Variants in TERB1 observed in about 807,000 individuals in gnomAD.
TERB1 encodes the protein telomere repeat binding bouquet formation protein 1, also known as telomere repeats-binding bouquet formation protein 1.
In TERB1, 63 loss-of-function variants were observed where a neutral mutation model predicts 92.3. The observed-to-expected ratio is 0.68, with a 90% CI of 0.56 to 0.84. The LOEUF (loss-of-function observed/expected upper bound fraction) is 0.84, where lower values mean the gene tolerates loss of function less well. TERB1 is among the 40% of genes least tolerant of loss of function. TERB1 has a pLI of 0.00. For missense variants in TERB1, 709 were observed against 843.7 expected (o/e 0.84, Z 1.98); for synonymous variants, 252 against 283.9 (o/e 0.89, Z 1.13).
Position 66,755,109 on chromosome 16 carries a change from T to C in TERB1, c.2051A>G (p.Asn684Ser), listed in dbSNP as rs898931715. ...GTGATTTCCCATTTTCTTAACTCCA[T>C]TGAAAAGGTAATTTACTTCTTCTTC... Reference protein sequence around the residue: ...FTEEEVNYLFNGVKKMGNHWN... With the variant: ...FTEEEVNYLFSGVKKMGNHWN... Residue 684 changes from asparagine (N) to serine (S), a missense_variant, in exon 19 of 19, where the codon AAT (asparagine) becomes AGT (serine). By Grantham distance (46) the Asn-to-Ser change is conservative. Transcript: ENST00000433154. 93 of 1,550,594 alleles carry C rather than the reference T, an allele frequency of 6.0e-5. No homozygotes were observed. Among genetic ancestry groups the C allele is most frequent in the Non-Finnish European group, 7.9e-5 (90 of 1,146,182 alleles).
chr16:66,790,486 A>C (rs2018813317), intron 5 of TERB1, 109 bp downstream of exon 5: 2 of 798,988 alleles, frequency 2.5e-6, no homozygotes, highest in East Asian at 6.0e-5. Flanking sequence ...AAAATTATTC[A>C]AACATGTAAA....
At position 66,770,262 on chromosome 16, in the gene TERB1, G is replaced by C. The variant is rs558572854; in HGVS notation, c.1320C>G (p.Asn440Lys). 1.9e-6 allele frequency: 3 copies of C among 1,551,052 alleles called. No homozygotes were observed. In the African/African-American group the frequency reaches 4.1e-5, roughly 21 times the overall value. ...GTTTCCATGTATTCTGAATACTTATGTTCATAGATGAAATATTATCCTGAT... is the reference window on the plus strand; with the variant it reads ...GTTTCCATGTATTCTGAATACTTATCTTCATAGATGAAATATTATCCTGAT... ...ENYQDNISSM[N>K]ISIQNTWKHL... Residue 440 changes from asparagine (N) to lysine (K), a missense_variant, in exon 14 of 19, where the codon AAC becomes AAG. Coordinates refer to ENST00000433154, the MANE Select transcript of TERB1 (RefSeq NM_001136505.2).
intron 14 of TERB1, 25 bp downstream of exon 14, chr16:66,769,938 G>A: frequency 6.8e-7 from 1 of 1,468,578 alleles, no homozygotes; most frequent in Non-Finnish European, 9.3e-7. Flanking sequence ...ATAAATAAAA[G>A]TTACACACAA....
chr16:66,767,119 A>C (rs1023110574), intron 16 of TERB1, among the ~76,000 whole-genome samples: 1 of 151,844 alleles, frequency 6.6e-6, no homozygotes, highest in Non-Finnish European at 1.5e-5. Context: ...ATTTGAGGTC[A>C]GGAGTTCAAG....
chr16:66,791,104 C>G, intron 3 of TERB1, 85 bp from the exon 4 acceptor site: 2 of 649,868 alleles, frequency 3.1e-6, no homozygotes, highest in Non-Finnish European at 5.0e-6. Flanking sequence ...AAATACATAT[C>G]TTTGGAATGG....
chr16:66,794,476 C>T (rs565908723), intron 3 of TERB1, among the ~76,000 whole-genome samples: 36 of 151,750 alleles, frequency 2.4e-4, no homozygotes, highest in Non-Finnish European at 4.4e-4. Context: ...CTATCATAAT[C>T]CTTCCCTTCC....
At chr16:66,759,797 CAAAAAA>C (rs762588462) in intron 16 of TERB1, among the ~76,000 whole-genome samples, 1 of 30,802 alleles carries the variant, frequency 3.2e-5, no homozygotes, top group South Asian at 1.1e-3. Flanking sequence ...GACTCTGTCT[CAAAAAA>C]AAAAAAAAAA....
intron 3 of TERB1, among the ~76,000 whole-genome samples, 155 bp from the exon 4 acceptor site, chr16:66,791,174 T>A (rs1031802604): frequency 3.2e-4 from 48 of 152,086 alleles, no homozygotes; most frequent in South Asian, 1.7e-3. Context: ...TGTATTTTTT[T>A]TAAAAATGTT....
chr16:66,793,211 GTTTTTT>G (rs1174263983), intron 3 of TERB1, among the ~76,000 whole-genome samples: 2 of 93,546 alleles, frequency 2.1e-5, no homozygotes, highest in African/African-American at 4.9e-5. Flanking sequence ...TTGTGGTTTG[GTTTTTT>G]TTTTTTTTTT....
At chr16:66,773,205 G>C (rs1006016951) in intron 12 of TERB1, among the ~76,000 whole-genome samples, 1 of 150,500 alleles carries the variant, frequency 6.6e-6, no homozygotes, top group South Asian at 2.1e-4. Context: ...ATTGTGGCAC[G>C]CACCTGTATT....
intron 11 of TERB1, among the ~76,000 whole-genome samples, chr16:66,775,588 C>T (rs2018532813): frequency 6.6e-6 from 1 of 151,728 alleles, no homozygotes; most frequent in Non-Finnish European, 1.5e-5. Context: ...GAGCCGAGGT[C>T]GCACCATTGT....
chr16:66,759,849 A>G lies in TERB1; in HGVS notation c.1781-559T>C, dbSNP rs553252480. 6.0e-5 allele frequency among the ~76,000 whole-genome samples: 9 copies of G among 148,920 alleles called. 2 individuals carry two copies. The South Asian group carries it at 2.0e-3, about 34-fold the overall frequency. The stretch of plus-strand genomic sequence containing the variant: ...AGAAAGAAAAGAAAAGAAAAAGAGC[A>G]TCTAGAGCGGGCGCAGTGGCTCACG... On this transcript the variant is annotated intron_variant, in intron 16 of 18. Coordinates refer to ENST00000433154, the MANE Select transcript of TERB1 (RefSeq NM_001136505.2).
At chr16:66,800,396 T>TTTG (rs749467871) in intron 2 of TERB1, among the ~76,000 whole-genome samples, 3 of 146,008 alleles carry the variant, frequency 2.1e-5, no homozygotes, top group Non-Finnish European at 4.6e-5. Flanking sequence ...AAGAAAGTTT[T>TTTG]TTTTTTTTTT....
In TERB1 at chr16:66,790,806, A is replaced by G. The variant is rs879109116; in HGVS notation, c.143-83T>C. 5 of 1,445,258 alleles carry G rather than the reference A, an allele frequency of 3.5e-6. No homozygotes were observed. In the South Asian group the frequency reaches 6.2e-5, roughly 18 times the overall value. The allele number at this position is 1,445,258 out of a possible 1,614,324, so 89.5% of individuals were successfully genotyped here. A position where few individuals can be genotyped will look rare whatever the true frequency, so the allele number is the denominator to read the frequency against. Reference sequence around the variant, plus strand: ...ATAAATCACATGAAGACGTAACATGATATGTAGAATAACTGAATGGAAGAT... The same window carrying G: ...ATAAATCACATGAAGACGTAACATGGTATGTAGAATAACTGAATGGAAGAT... On this transcript the variant is annotated intron_variant, in intron 4 of 18. Transcript: ENST00000433154.
chr16:66,786,904 C>G lies in TERB1; in HGVS notation c.401-619G>C, dbSNP rs363190. Among the ~76,000 whole-genome samples, 25 of 152,294 alleles carry G rather than the reference C, an allele frequency of 1.6e-4. No homozygotes were observed. In the East Asian group the frequency reaches 4.0e-3, roughly 25 times the overall value. ...CACCCAACACCCTGGGGGTTTGGGC[C>G]TTGAGCCCTACAACCACCCAGACTT... On this transcript the variant is annotated intron_variant, in intron 6 of 18. Transcript: ENST00000433154.
rs1321135157 is a variant in TERB1 at position 66,790,898 on chromosome 16, T to C, written c.142+11A>G. On this transcript the variant is annotated intron_variant, in intron 4 of 18. Coordinates refer to ENST00000433154, the MANE Select transcript of TERB1 (RefSeq NM_001136505.2). Reference sequence around the variant, plus strand: ...TAGAATCACAGATAAAAATTCACTATTATATCTTACTGTTTTGTTGACAAA... The same window carrying C: ...TAGAATCACAGATAAAAATTCACTACTATATCTTACTGTTTTGTTGACAAA... The C allele has an allele frequency of 2.6e-6, 4 of 1,519,208 alleles. No homozygotes were observed. The highest frequency in any genetic ancestry group is 1.2e-5 in the South Asian group (1 of 82,050). The allele number at this position is 1,519,208 out of a possible 1,614,324, so 94.1% of individuals were successfully genotyped here. A position where few individuals can be genotyped will look rare whatever the true frequency, so the allele number is the denominator to read the frequency against.
intron 12 of TERB1, among the ~76,000 whole-genome samples, chr16:66,773,312 C>T (rs1296760825): frequency 1.3e-5 from 2 of 152,110 alleles, no homozygotes; most frequent in Admixed American, 6.6e-5. Flanking sequence ...CCAGCCCTGG[C>T]GACAGAGTGA....
chr16:66,762,156 G>A (rs1254614755), intron 16 of TERB1, among the ~76,000 whole-genome samples: 1 of 152,146 alleles, frequency 6.6e-6, no homozygotes, highest in Non-Finnish European at 1.5e-5. Flanking sequence ...CATCTTTTTT[G>A]TTTTTAACAT....
intron 12 of TERB1, among the ~76,000 whole-genome samples, chr16:66,774,545 C>A (rs758261667): frequency 3.9e-5 from 6 of 152,134 alleles, no homozygotes; most frequent in Non-Finnish European, 7.4e-5. Flanking sequence ...CCTTAGTCCA[C>A]AAATTTAATT....
Sources: gnomAD v4.1 joint callset for allele counts (sites outside exome capture counted in the v4.1 genomes callset) on GRCh38, gnomAD v4.1.1 for gene constraint, MANE v1.5 for transcripts, NCBI Gene and HGNC (gene_info 2026-07-23, HGNC 2026-07-21) for gene names.